The following VRK2 variants were observed in gnomAD, a reference collection of about 807,000 sequenced individuals.
VRK2 encodes VRK serine/threonine kinase 2.
VRK2 carries 60 observed loss-of-function variants against 57.6 expected under a neutral mutation model. That is an observed-to-expected ratio of 1.04 (90% CI 0.85 to 1.29). VRK2 has a LOEUF of 1.29. VRK2 is among the 50% of genes most tolerant of loss of function. VRK2 has a pLI of 0.00. For synonymous variants in VRK2, 231 were observed against 199.2 expected, an observed-to-expected ratio of 1.16 and a Z score of -1.35; for missense variants, 705 against 588.1, an observed-to-expected ratio of 1.20 and a Z score of -2.06.
In VRK2 at chr2:58,084,888, A is replaced by G; in HGVS notation, c.194A>G (p.Gln65Arg). The G allele has an allele frequency of 6.4e-7, 1 of 1,570,504 alleles. No individual in the cohort carries two copies. The highest frequency in any genetic ancestry group is 8.6e-7 in the Non-Finnish European group (1 of 1,156,736). The change falls in exon 4 of 13, where the codon CAA (glutamine) becomes CGA (arginine). Residue 65 changes from glutamine to arginine, a missense_variant. Transcript: ENST00000340157. ...TTATTCTTTTTTTTATAGGAATATC[A>G]AGAAAATGGCCCGTTATTTTCAGAA... is the stretch of plus-strand genomic sequence containing the variant. The part of the protein sequence containing the change: ...DARHVVKVEY[Q>R]ENGPLFSELK...
intron 7 of VRK2, among the ~76,000 whole-genome samples, chr2:58,091,510 G>C (rs1223916645): frequency 6.6e-6 from 1 of 151,684 alleles, no homozygotes; most frequent in Non-Finnish European, 1.5e-5. Context: ...ATACCTAGTT[G>C]TTACTGTATT....
At chr2:58,136,356 A>G (rs1223379099) in intron 10 of VRK2, among the ~76,000 whole-genome samples, 2 of 151,488 alleles carry the variant, frequency 1.3e-5, no homozygotes, top group Non-Finnish European at 2.9e-5. Flanking sequence ...TCAAAATGGC[A>G]GTACTCCTTT....
intron 1 of VRK2, among the ~76,000 whole-genome samples, chr2:57,964,586 G>A (rs149596212): frequency 1.1e-3 from 172 of 152,208 alleles, no homozygotes; most frequent in African/African-American, 3.8e-3. Context: ...GTTCATACTC[G>A]TTAACTGTCA....
intron 2 of VRK2, 66 bp downstream of exon 2, chr2:58,049,033 G>T: frequency 7.8e-6 from 12 of 1,539,208 alleles, no homozygotes; most frequent in Non-Finnish European, 1.1e-5. Context: ...TTACTTAGTG[G>T]TATTTTAAGA....
chr2:58,138,496 C>G (rs1233480815), intron 10 of VRK2, among the ~76,000 whole-genome samples: 1 of 152,176 alleles, frequency 6.6e-6, no homozygotes, highest in African/African-American at 2.4e-5. Flanking sequence ...GGAAATAGCT[C>G]TGTACTATAT....
chr2:58,049,030 G>C, intron 2 of VRK2, 63 bp downstream of exon 2: 1 of 1,550,190 alleles, frequency 6.5e-7, no homozygotes, highest in Non-Finnish European at 8.7e-7. Context: ...TGATTACTTA[G>C]TGGTATTTTA....
At chr2:57,974,371 A>C (rs1313855324) in intron 1 of VRK2, among the ~76,000 whole-genome samples, 2 of 151,932 alleles carry the variant, frequency 1.3e-5, no homozygotes, top group Non-Finnish European at 2.9e-5. Context: ...AAAACAAACT[A>C]ACATAAAATA....
intron 1 of VRK2, 200 bp downstream of exon 1, chr2:58,047,068 G>C: frequency 3.9e-6 from 3 of 773,104 alleles, no homozygotes; most frequent in Non-Finnish European, 4.7e-6. Context: ...CTGGGAGTGA[G>C]AACAAGGCGT....
intron 11 of VRK2, among the ~76,000 whole-genome samples, chr2:58,141,399 C>A (rs1573367270): frequency 6.6e-6 from 1 of 151,862 alleles, no homozygotes; most frequent in African/African-American, 2.4e-5. Context: ...TGTTGTGAAA[C>A]CATTTTTATA....
At chr2:57,932,159 T>G (rs1670749353) in intron 1 of VRK2, among the ~76,000 whole-genome samples, 1 of 152,142 alleles carries the variant, frequency 6.6e-6, no homozygotes, top group Non-Finnish European at 1.5e-5. Context: ...ATATAGCATT[T>G]TTTTTCCTTG....
chr2:57,936,433 C>T (rs1670906104), intron 1 of VRK2, among the ~76,000 whole-genome samples: 1 of 152,048 alleles, frequency 6.6e-6, no homozygotes, highest in Non-Finnish European at 1.5e-5. Flanking sequence ...CCACACAATG[C>T]TTAAGCAATA....
At position 58,123,183 on chromosome 2, in the gene VRK2, G is replaced by T. The variant is rs753816759; in HGVS notation, c.626G>T (p.Gly209Val). ...HKQYQENPRK[G>V]HNGTIEFTSL... Reference sequence around the variant, plus strand: ...CAGTATCAGGAAAATCCTAGAAAAGGCCATAATGGGACAATAGAGTTTACC... The same window carrying T: ...CAGTATCAGGAAAATCCTAGAAAAGTCCATAATGGGACAATAGAGTTTACC... Residue 209 changes from glycine (G) to valine (V), a missense_variant, in exon 8 of 13, where the codon GGC (glycine) becomes GTC (valine). Physicochemically the swap from Gly to Val is moderately radical, Grantham distance 109. Coordinates refer to ENST00000340157, the MANE Select transcript of VRK2 (RefSeq NM_006296.7). 8.2e-6 allele frequency: 13 copies of T among 1,594,636 alleles called. No homozygotes were observed. The South Asian group carries it at 1.3e-4, about 16-fold the overall frequency.
At chr2:58,010,974 A>G (rs1280432892) in intron 1 of VRK2, among the ~76,000 whole-genome samples, 1 of 152,164 alleles carries the variant, frequency 6.6e-6, no homozygotes. Context: ...CTGTGACTCT[A>G]CAAGTGTTCT....
chr2:58,005,793 C>A (rs1363244361), intron 1 of VRK2, among the ~76,000 whole-genome samples: 1 of 152,074 alleles, frequency 6.6e-6, no homozygotes, highest in Admixed American at 6.6e-5. Context: ...CCAGATGAAG[C>A]TAGGGACATT....
intron 2 of VRK2, among the ~76,000 whole-genome samples, chr2:58,067,639 A>G (rs1316400933): frequency 6.6e-6 from 1 of 151,812 alleles, no homozygotes; most frequent in Non-Finnish European, 1.5e-5. Context: ...ATTTTTTTCC[A>G]TTAAGTCCTG....
chr2:58,115,522 G>C (rs1472218790), intron 7 of VRK2, among the ~76,000 whole-genome samples: 1 of 149,302 alleles, frequency 6.7e-6, no homozygotes, highest in East Asian at 2.0e-4. Context: ...AGACATGAGG[G>C]CTAGGCTAAG....
At chr2:58,129,758 A>G (rs934725566) in intron 8 of VRK2, among the ~76,000 whole-genome samples, 5 of 152,126 alleles carry the variant, frequency 3.3e-5, no homozygotes, top group African/African-American at 4.8e-5. Flanking sequence ...TCTGAGAGGG[A>G]ATTTCAGGTA....
intron 1 of VRK2, among the ~76,000 whole-genome samples, chr2:57,940,930 T>C (rs1376586025): frequency 2.0e-5 from 3 of 151,622 alleles, no homozygotes; most frequent in Non-Finnish European, 4.4e-5. Context: ...ATGAAAGTCA[T>C]CAATAACATT....
chr2:57,973,779 G>GAT (rs148190875), intron 1 of VRK2, among the ~76,000 whole-genome samples: 37 of 150,666 alleles, frequency 2.5e-4, no homozygotes, highest in Middle Eastern at 3.4e-3. Context: ...CTTCTTGAAA[G>GAT]ATATATATAT....
Sources: allele counts gnomAD v4.1 joint callset (sites outside exome capture counted in the v4.1 genomes callset), GRCh38; gene constraint gnomAD v4.1.1; transcripts MANE v1.5; gene names NCBI Gene and HGNC (gene_info 2026-07-23, HGNC 2026-07-21).